ARNT: variants seen among roughly 807,000 people sequenced by gnomAD.
ARNT encodes the protein aryl hydrocarbon receptor nuclear translocator.
In ARNT, 30 loss-of-function variants were observed where a neutral mutation model predicts 105.0. The observed-to-expected ratio is 0.29, with a 90% confidence interval of 0.21 to 0.39. The LOEUF (loss-of-function observed/expected upper bound fraction) is 0.39. ARNT is among the 10% of genes least tolerant of loss of function. The pLI is 1.00. For synonymous variants in ARNT, 304 were observed against 344.0 expected (o/e 0.88, Z 1.29); for missense variants, 748 against 978.7 (o/e 0.76, Z 3.15).
At chr1:150,860,303 A>C (rs953832724) in intron 1 of ARNT, among the ~76,000 whole-genome samples, 1 of 145,806 alleles carries the variant, frequency 6.9e-6, no homozygotes, top group South Asian at 2.3e-4. Context: ...GCAACCTCCA[A>C]CTCTCGGGTT....
intron 1 of ARNT, among the ~76,000 whole-genome samples, chr1:150,872,512 A>C (rs587644220): frequency 5.3e-5 from 8 of 152,350 alleles, no homozygotes; most frequent in Non-Finnish European, 1.0e-4. Context: ...TTCTCTGCTA[A>C]TGAGAATACC....
At chr1:150,851,047 G>C (rs1320295279) in intron 3 of ARNT, among the ~76,000 whole-genome samples, 1 of 148,146 alleles carries the variant, frequency 6.8e-6, no homozygotes, top group Non-Finnish European at 1.5e-5. Flanking sequence ...CCCTCCGCCC[G>C]GCAGCCGCCC....
chr1:150,812,015 A>G lies in ARNT; in HGVS notation c.*6T>C, dbSNP rs10305749. 902 of 1,534,374 alleles carry G rather than the reference A, an allele frequency of 5.9e-4. 2 individuals carry two copies. The African/African-American group carries it at 0.011, about 19-fold the overall frequency. ...TCCCCCACCCCTTATCCTCACCCCAATAGTTCTATTCTGAAAAGGGGGGAA... is the reference window on the plus strand; with the variant it reads ...TCCCCCACCCCTTATCCTCACCCCAGTAGTTCTATTCTGAAAAGGGGGGAA... On this transcript the variant is annotated 3_prime_UTR_variant, in exon 22 of 22. Transcript: ENST00000358595.
At chr1:150,828,350 GTTTT>G (rs10531895) in intron 12 of ARNT, among the ~76,000 whole-genome samples, 1 of 115,562 alleles carries the variant, frequency 8.7e-6, no homozygotes, top group Non-Finnish European at 1.9e-5. Flanking sequence ...TTTTTTTTTT[GTTTT>G]TTTTTTTTTT....
intron 2 of ARNT, among the ~76,000 whole-genome samples, chr1:150,856,919 C>CT (rs1480397220): frequency 6.6e-6 from 1 of 152,228 alleles, no homozygotes; most frequent in African/African-American, 2.4e-5. Context: ...GATTGTGCCT[C>CT]TGCACTCCAG....
At position 150,821,073 on chromosome 1, in the gene ARNT, G is replaced by T. The variant is rs587638270; in HGVS notation, c.1394+2121C>A. On this transcript the variant is annotated intron_variant, in intron 14 of 21. Coordinates refer to ENST00000358595, the MANE Select transcript of ARNT (RefSeq NM_001668.4). ...CTTACAATAAAGCTAAAGAGAAAAT[G>T]TTATTAAGAAAATCATAAGGAAGAG... Among the ~76,000 whole-genome samples the T allele has an allele frequency of 6.6e-5, 10 of 152,262 alleles. No homozygotes were observed. The South Asian group carries it at 2.1e-3, about 32-fold the overall frequency.
intron 5 of ARNT, among the ~76,000 whole-genome samples, chr1:150,841,696 C>T (rs1210570488): frequency 6.6e-6 from 1 of 152,176 alleles, no homozygotes. Context: ...AACAGTCTCC[C>T]AAGAGAATTC....
chr1:150,854,349 G>T (rs587655137), intron 2 of ARNT, among the ~76,000 whole-genome samples: 4 of 151,732 alleles, frequency 2.6e-5, no homozygotes, highest in South Asian at 4.2e-4. Context: ...CTTGAACTCA[G>T]GAGTTTAAGA....
At chr1:150,831,662 T>C (rs2101847274) in intron 10 of ARNT, 156 bp downstream of exon 10, 1 of 576,124 alleles carries the variant, frequency 1.7e-6, no homozygotes, top group East Asian at 3.2e-5. Flanking sequence ...AGCTCAATAA[T>C]GGAAGGGAAG....
At position 150,810,328 on chromosome 1, in the gene ARNT, C is replaced by T. The variant is rs587594531; in HGVS notation, c.*1693G>A. On this transcript the variant is annotated 3_prime_UTR_variant, in exon 22 of 22. Transcript: ENST00000358595. ...CTGTACAATATTATAGTCCTGATCA[C>T]ATTTAAAAAGTCGATTATTAAAAAA... 1.7e-5 allele frequency: 4 copies of T among 230,424 alleles called. No homozygotes were observed. The Admixed American group carries it at 2.3e-4, about 13-fold the overall frequency. The allele number at this position is 230,424 out of a possible 1,614,324, so 14.3% of individuals were successfully genotyped here.
intron 4 of ARNT, among the ~76,000 whole-genome samples, chr1:150,844,506 G>A (rs1460998913): frequency 2.0e-5 from 3 of 151,972 alleles, no homozygotes; most frequent in East Asian, 1.9e-4. Context: ...CTACATCAAC[G>A]GTTCTTAAAG....
chr1:150,846,201 T>G (rs1662172568), intron 4 of ARNT, 62 bp downstream of exon 4: 10 of 1,431,402 alleles, frequency 7.0e-6, no homozygotes, highest in Non-Finnish European at 9.8e-6. Flanking sequence ...ATGCTAGGAC[T>G]GTCTGGTTCT....
intron 5 of ARNT, 130 bp from the exon 6 acceptor site, chr1:150,839,784 A>T: frequency 1.0e-6 from 1 of 979,110 alleles, no homozygotes. Context: ...CTTAAGTCTC[A>T]GCAGTTAAAA....
intron 20 of ARNT, among the ~76,000 whole-genome samples, chr1:150,813,840 G>A (rs184115724): frequency 1.3e-3 from 201 of 152,102 alleles, no homozygotes; most frequent in African/African-American, 4.6e-3. Flanking sequence ...TGGTCAGGCT[G>A]GGGTTGAACT....
intron 4 of ARNT, among the ~76,000 whole-genome samples, chr1:150,844,923 C>A (rs950136275): frequency 6.6e-6 from 1 of 151,796 alleles, no homozygotes; most frequent in African/African-American, 2.4e-5. Flanking sequence ...AATTCTCATG[C>A]CTCAGCCTCT....
chr1:150,867,102 G>T (rs1666715404), intron 1 of ARNT, among the ~76,000 whole-genome samples: 2 of 152,020 alleles, frequency 1.3e-5, no homozygotes, highest in Non-Finnish European at 2.9e-5. Flanking sequence ...TACTCGAGAG[G>T]CTGAGGCACA....
In ARNT at chr1:150,826,630, A is replaced by AAGAAG; in HGVS notation, c.1168-18_1168-14dup. 6.3e-7 allele frequency: 1 copy of AAGAAG among 1,590,248 alleles called. No individual in the cohort carries two copies. ...TTCCTAAGAGTTCCTAGAATACAGA[A>AAGAAG]AGAAGAGTAAGATATATACTTTTTT... is the stretch of plus-strand genomic sequence containing the variant. On this transcript the variant is annotated splice_polypyrimidine_tract_variant and intron_variant, in intron 12 of 21. Coordinates refer to ENST00000358595, the MANE Select transcript of ARNT (RefSeq NM_001668.4).
chr1:150,858,831 C>T (rs1665097447), intron 1 of ARNT, among the ~76,000 whole-genome samples: 1 of 150,764 alleles, frequency 6.6e-6, no homozygotes, highest in African/African-American at 2.4e-5. Flanking sequence ...ATATGTTGCC[C>T]AGGCTGGTCT....
chr1:150,837,210 C>G (rs1441545616), intron 6 of ARNT, among the ~76,000 whole-genome samples: 7 of 152,124 alleles, frequency 4.6e-5, no homozygotes, highest in Admixed American at 4.6e-4. Flanking sequence ...TTTCTCAATT[C>G]TAGATAAATC....
Sources: gnomAD v4.1 joint callset for allele counts (sites outside exome capture counted in the v4.1 genomes callset) on GRCh38, gnomAD v4.1.1 for gene constraint, MANE v1.5 for transcripts, NCBI Gene and HGNC (gene_info 2026-07-23, HGNC 2026-07-21) for gene names.